PCDH11X: variants seen among roughly 807,000 people sequenced by gnomAD.
PCDH11X encodes protocadherin-11 X-linked.
In PCDH11X, 18 loss-of-function variants were observed where a neutral mutation model predicts 53.3. The ratio of observed to expected loss-of-function variants is 0.34; its 90% CI spans 0.23 to 0.50. The LOEUF is 0.50. Among genes scored for constraint, PCDH11X ranks in the 20% least tolerant of loss-of-function variants. The pLI, the probability that PCDH11X is intolerant of heterozygous loss-of-function variation, is 0.98. For synonymous variants in PCDH11X, 279 were observed against 393.3 expected (o/e 0.71, Z 3.44); for missense variants, 570 against 1,032.4 (o/e 0.55, Z 6.14).
At chrX:91,955,257 A>C (rs1037434942) in intron 6 of PCDH11X, among the ~76,000 whole-genome samples, 2 of 109,447 alleles carry the variant, frequency 1.8e-5, no homozygotes, top group African/African-American at 6.7e-5. Context: ...AAGATCAGAC[A>C]GGTGTAGTTG....
At position 92,619,853 on chromosome X, in the gene PCDH11X, G is replaced by C. The variant is rs1263994441; in HGVS notation, c.*913G>C. The C allele has an allele frequency of 9.3e-6, 1 of 107,448 alleles. No individual in the cohort carries two copies. The highest frequency in any genetic ancestry group is 1.9e-5 in the Non-Finnish European group (1 of 51,765). 8.9% of individuals were successfully genotyped at this position (107,448 alleles called of 1,213,427 possible). A position where few individuals can be genotyped will look rare whatever the true frequency, so the allele number is the denominator to read the frequency against. On this transcript the variant is annotated 3_prime_UTR_variant, in exon 11 of 11. Coordinates refer to ENST00000682573, the MANE Select transcript of PCDH11X (RefSeq NM_032968.5). Reference sequence around the variant, plus strand: ...TTAAAAGGAGGTGGATGCATCCAAAGCACGAGTCACTTAAAATATCGACGG... The same window carrying C: ...TTAAAAGGAGGTGGATGCATCCAAACCACGAGTCACTTAAAATATCGACGG...
intron 6 of PCDH11X, among the ~76,000 whole-genome samples, chrX:92,094,884 C>G (rs777432750): frequency 9.0e-6 from 1 of 111,517 alleles, no homozygotes; most frequent in East Asian, 2.8e-4. Context: ...CATTAACATT[C>G]CTCTTTAATT....
At chrX:92,056,865 A>T (rs1394878521) in intron 6 of PCDH11X, among the ~76,000 whole-genome samples, 2 of 108,539 alleles carry the variant, frequency 1.8e-5, no homozygotes, top group African/African-American at 6.6e-5. Context: ...TATGTAAAAA[A>T]CATTATTTGA....
chrX:91,966,454 C>A (rs1282126558), intron 6 of PCDH11X, among the ~76,000 whole-genome samples: 1 of 107,462 alleles, frequency 9.3e-6, no homozygotes, highest in South Asian at 4.2e-4. Flanking sequence ...ACAATGAGAA[C>A]GCATGGACAC....
At chrX:92,087,273 T>G (rs2063971977) in intron 6 of PCDH11X, among the ~76,000 whole-genome samples, 1 of 107,640 alleles carries the variant, frequency 9.3e-6, no homozygotes, top group Admixed American at 1.0e-4. Flanking sequence ...TTTGTATTTT[T>G]TAGTAGTGGC....
At chrX:92,098,261 G>T (rs1395813252) in intron 6 of PCDH11X, among the ~76,000 whole-genome samples, 3 of 111,093 alleles carry the variant, frequency 2.7e-5, no homozygotes, top group Non-Finnish European at 5.6e-5. Context: ...TGTGTGGTCA[G>T]AAATTGAGCC....
At chrX:92,120,645 C>T (rs1422112645) in intron 6 of PCDH11X, among the ~76,000 whole-genome samples, 1 of 111,904 alleles carries the variant, frequency 8.9e-6, no homozygotes. Flanking sequence ...AAGAGTGATG[C>T]CTTTTAGATT....
chrX:92,415,401 CATT>C (rs1220343142), intron 9 of PCDH11X, among the ~76,000 whole-genome samples: 1 of 111,795 alleles, frequency 8.9e-6, no homozygotes, highest in Non-Finnish European at 1.9e-5. Context: ...ACTTTTACAT[CATT>C]GACTAACAAA....
chrX:92,399,061 T>C (rs1432120880), intron 9 of PCDH11X, among the ~76,000 whole-genome samples: 1 of 107,707 alleles, frequency 9.3e-6, no homozygotes, highest in Non-Finnish European at 1.9e-5. Context: ...GTCGTGGTGG[T>C]GGGCGCCTGT....
intron 6 of PCDH11X, among the ~76,000 whole-genome samples, chrX:92,125,361 A>C (rs1250945667): frequency 1.8e-5 from 2 of 112,232 alleles, no homozygotes; most frequent in Non-Finnish European, 3.8e-5. Context: ...TTCCATATCC[A>C]AACACAAATG....
At chrX:92,603,549 A>G (rs1926463698) in intron 10 of PCDH11X, among the ~76,000 whole-genome samples, 1 of 109,477 alleles carries the variant, frequency 9.1e-6, no homozygotes, top group South Asian at 3.9e-4. Context: ...AAAGAAAATA[A>G]GAAAATTTTG....
At chrX:91,938,026 A>G (rs1348031625) in intron 6 of PCDH11X, among the ~76,000 whole-genome samples, 1 of 110,748 alleles carries the variant, frequency 9.0e-6, no homozygotes, top group African/African-American at 3.3e-5. Context: ...GTGAGCTTCT[A>G]TTTTGCATAT....
intron 6 of PCDH11X, among the ~76,000 whole-genome samples, chrX:92,009,602 A>G (rs1306387079): frequency 9.0e-6 from 1 of 110,649 alleles, no homozygotes; most frequent in Non-Finnish European, 1.9e-5. Flanking sequence ...AATTGCTTTC[A>G]GAAAGATTTG....
chrX:92,281,052 G>A (rs1166246356), intron 8 of PCDH11X, among the ~76,000 whole-genome samples: 1 of 111,121 alleles, frequency 9.0e-6, no homozygotes, highest in African/African-American at 3.3e-5. Flanking sequence ...TGGTGGTGAT[G>A]GTACTTGAGT....
chrX:92,350,712 C>A (rs2070024816), intron 8 of PCDH11X, among the ~76,000 whole-genome samples: 1 of 111,412 alleles, frequency 9.0e-6, no homozygotes, highest in Non-Finnish European at 1.9e-5. Context: ...GTCCATGATT[C>A]AAGTCTCCAC....
intron 6 of PCDH11X, among the ~76,000 whole-genome samples, chrX:92,049,957 T>C (rs1308767877): frequency 1.8e-5 from 2 of 111,569 alleles, no homozygotes; most frequent in East Asian, 5.7e-4. Context: ...GTATTTTTAG[T>C]AGAGACGGGG....
intron 10 of PCDH11X, among the ~76,000 whole-genome samples, chrX:92,571,954 A>G (rs1922260725): frequency 8.9e-6 from 1 of 112,322 alleles, no homozygotes; most frequent in South Asian, 3.7e-4. Flanking sequence ...CAATGAAACA[A>G]TAAAATTTTC....
At chrX:91,936,750 A>T (rs2061449530) in intron 6 of PCDH11X, among the ~76,000 whole-genome samples, 1 of 107,721 alleles carries the variant, frequency 9.3e-6, no homozygotes, top group Non-Finnish European at 1.9e-5. Context: ...ATGAAGCCAT[A>T]CATGAATAAA....
chrX:91,823,907 A>G (rs1487461422), intron 4 of PCDH11X, among the ~76,000 whole-genome samples: 1 of 110,192 alleles, frequency 9.1e-6, no homozygotes, highest in East Asian at 2.9e-4. Flanking sequence ...TTGTCTGTAA[A>G]GTATTTTATT....
Sources: gnomAD v4.1 joint callset for allele counts (sites outside exome capture counted in the v4.1 genomes callset) on GRCh38, gnomAD v4.1.1 for gene constraint, MANE v1.5 for transcripts, NCBI Gene and HGNC (gene_info 2026-07-23, HGNC 2026-07-21) for gene names.